Variants in ANAPC1 observed in about 807,000 individuals in gnomAD.
The protein encoded by ANAPC1 is anaphase promoting complex subunit 1.
In ANAPC1, 36 loss-of-function variants were observed where a neutral mutation model predicts 208.0. The ratio of observed to expected loss-of-function variants is 0.17; its 90% CI spans 0.13 to 0.23. ANAPC1 has a LOEUF of 0.23. ANAPC1 is among the 10% of genes least tolerant of loss of function. ANAPC1 has a pLI of 1.00. For synonymous variants in ANAPC1, 378 were observed against 695.2 expected (o/e 0.54, Z 7.18); for missense variants, 942 against 2,011.6 (o/e 0.47, Z 10.17).
intron 3 of ANAPC1, among the ~76,000 whole-genome samples, chr2:111,877,841 GCTAT>G (rs1325988144): frequency 4.6e-5 from 7 of 151,988 alleles, no homozygotes; most frequent in Non-Finnish European, 1.0e-4. Flanking sequence ...GCCATTCCTA[GCTAT>G]CTATTTCCTT....
intron 37 of ANAPC1, among the ~76,000 whole-genome samples, 183 bp from the exon 38 acceptor site, chr2:111,792,738 G>A (rs1677946206): frequency 6.6e-6 from 1 of 151,914 alleles, no homozygotes. Context: ...GGATCACGAG[G>A]TCAGGAGATC....
chr2:111,850,657 T>A lies in ANAPC1; in HGVS notation c.1650+119A>T. ...GTATGTTAACTGAATCACTTCTGTT[T>A]GAAAACATTTATTCTGCAAGTAGAA... On this transcript the variant is annotated intron_variant, in intron 14 of 47. Transcript: ENST00000341068. The A allele has an allele frequency of 6.1e-6, 8 of 1,317,172 alleles. No individual in the cohort carries two copies. The South Asian group carries it at 1.1e-4, about 19-fold the overall frequency. 81.6% of individuals were successfully genotyped at this position (1,317,172 alleles called of 1,614,324 possible).
At chr2:111,856,338 T>A (rs1412436351) in intron 13 of ANAPC1, 14 of 242,606 alleles carry the variant, frequency 5.8e-5, no homozygotes, top group East Asian at 1.7e-4. Flanking sequence ...ACTTTAACTT[T>A]AAAAAAAAAA....
chr2:111,861,895 A>G (rs1209146082), intron 10 of ANAPC1, among the ~76,000 whole-genome samples: 1 of 122,612 alleles, frequency 8.2e-6, no homozygotes, highest in Non-Finnish European at 1.8e-5. Flanking sequence ...TCAGATGACA[A>G]AATAATATTT....
intron 14 of ANAPC1, among the ~76,000 whole-genome samples, chr2:111,850,464 T>A (rs1222682718): frequency 6.6e-6 from 1 of 152,088 alleles, no homozygotes; most frequent in East Asian, 1.9e-4. Flanking sequence ...ACGATGGTAC[T>A]CTCTTTTCCA....
intron 24 of ANAPC1, among the ~76,000 whole-genome samples, chr2:111,824,012 A>G (rs1679688628): frequency 6.7e-6 from 1 of 149,494 alleles, no homozygotes; most frequent in Non-Finnish European, 1.5e-5. Flanking sequence ...TCCTCAGGTT[A>G]ATTAAATCAT....
At chr2:111,853,758 C>G (rs1681541342) in intron 13 of ANAPC1, among the ~76,000 whole-genome samples, 1 of 152,028 alleles carries the variant, frequency 6.6e-6, no homozygotes, top group Admixed American at 6.6e-5. Flanking sequence ...CCTCTGTCGC[C>G]CAGGCTGGAG....
At chr2:111,868,213 CA>C (rs941223102) in intron 6 of ANAPC1, 117 bp from the exon 7 acceptor site, 3 of 555,424 alleles carry the variant, frequency 5.4e-6, no homozygotes, top group African/African-American at 3.9e-5. Flanking sequence ...CCTACTATCT[CA>C]AAATGCAATC....
intron 10 of ANAPC1, among the ~76,000 whole-genome samples, chr2:111,862,176 T>A (rs1188565391): frequency 6.6e-6 from 1 of 151,992 alleles, no homozygotes; most frequent in East Asian, 1.9e-4. Flanking sequence ...AGTGCTGGGA[T>A]TACAGGCATG....
At chr2:111,838,938 T>C (rs1016604114) in intron 17 of ANAPC1, among the ~76,000 whole-genome samples, 1 of 152,308 alleles carries the variant, frequency 6.6e-6, no homozygotes, top group South Asian at 2.1e-4. Context: ...GTAAACTATC[T>C]AACAATTCTA....
chr2:111,864,107 G>T (rs1157292182), intron 8 of ANAPC1, among the ~76,000 whole-genome samples: 1 of 152,056 alleles, frequency 6.6e-6, no homozygotes, highest in Non-Finnish European at 1.5e-5. Context: ...AGAGAGGATA[G>T]CTTGAGCCAA....
At chr2:111,775,983 A>T (rs1676989148) in intron 46 of ANAPC1, among the ~76,000 whole-genome samples, 1 of 152,220 alleles carries the variant, frequency 6.6e-6, no homozygotes, top group African/African-American at 2.4e-5. Context: ...TATATCCCTC[A>T]CAACTTGGTT....
chr2:111,833,191 A>G, intron 20 of ANAPC1, 29 bp downstream of exon 20: 1 of 1,563,976 alleles, frequency 6.4e-7, no homozygotes. Flanking sequence ...TACACTGTTT[A>G]GAAAATATTT....
chr2:111,770,213 A>AT (rs1402532377), intron 47 of ANAPC1, among the ~76,000 whole-genome samples: 2 of 120,794 alleles, frequency 1.7e-5, no homozygotes, highest in Non-Finnish European at 3.3e-5. Context: ...ATATATATAT[A>AT]TATATATATA....
intron 3 of ANAPC1, among the ~76,000 whole-genome samples, chr2:111,874,245 T>A (rs922089860): frequency 1.3e-5 from 2 of 152,206 alleles, no homozygotes; most frequent in African/African-American, 2.4e-5. Flanking sequence ...TGTTTTTTTT[T>A]AAACTGTGGT....
At position 111,831,418 on chromosome 2, in the gene ANAPC1, C is replaced by A; in HGVS notation, c.2493G>T (p.Met831Ile). ...CAGACGTAAAAAATGATGGATGATG[C>A]ATAAATCCTGTTTGACCTTTAAAAT... The part of the protein sequence containing the change: ...CTIDPGQTGF[M>I]HHPSFFTSEP... The change falls in exon 21 of 48, where the codon ATG (methionine) becomes ATT (isoleucine). Residue 831 changes from methionine (M) to isoleucine (I), a missense_variant. Physicochemically the swap from Met to Ile is conservative, Grantham distance 10 (BLOSUM62 1). Coordinates refer to ENST00000341068, the MANE Select transcript of ANAPC1 (RefSeq NM_022662.4). 2 of 1,602,944 alleles carry A rather than the reference C, an allele frequency of 1.2e-6. No homozygotes were observed. Among genetic ancestry groups the A allele is most frequent in the Non-Finnish European group, 1.7e-6 (2 of 1,174,928 alleles).
Position 111,872,662 on chromosome 2 carries a change from A to C in ANAPC1, c.579T>G (p.Ala193=). The part of the protein sequence containing the change: ...TKYGLLFERS[A]SSHEVPPGSP... ...AACCTGGAGGTACTTCATGTGAAGA[A>C]GCGCTTCGTTCAAACAGCAATCCAT... The change falls in exon 6 of 48, where the codon GCT becomes GCG. Residue 193 remains alanine (A), a synonymous_variant. Transcript: ENST00000341068. The C allele has an allele frequency of 2.5e-6, 4 of 1,613,726 alleles. No individual in the cohort carries two copies. The highest frequency in any genetic ancestry group is 1.3e-5 in the African/African-American group (1 of 75,044).
chr2:111,856,872 T>C lies in ANAPC1; in HGVS notation c.1373A>G (p.Gln458Arg). 1 of 1,611,978 alleles carries C rather than the reference T, an allele frequency of 6.2e-7. No homozygotes were observed. The highest frequency in any genetic ancestry group is 8.5e-7 in the Non-Finnish European group (1 of 1,179,778). The change falls in exon 12 of 48, where the codon CAA becomes CGA. Residue 458 changes from glutamine to arginine, a missense_variant. By Grantham distance (43) the Gln-to-Arg change is conservative. Transcript: ENST00000341068. The stretch of plus-strand genomic sequence containing the variant: ...GAGCTGGGTTTTATCATTACTCTCT[T>C]GAAACTTTACACAGCTAAATAATAA... Reference protein sequence around the residue: ...SQLQLRCVKFQESNDKTQLIF... With the variant: ...SQLQLRCVKFRESNDKTQLIF...
intron 6 of ANAPC1, 139 bp from the exon 7 acceptor site, chr2:111,868,235 T>C (rs1158757326): frequency 3.8e-6 from 2 of 529,204 alleles, no homozygotes; most frequent in Non-Finnish European, 6.7e-6. Context: ...TTCTAAACTT[T>C]GTACATACTA....
Sources: gnomAD v4.1 joint callset for allele counts (sites outside exome capture counted in the v4.1 genomes callset) on GRCh38, gnomAD v4.1.1 for gene constraint, MANE v1.5 for transcripts, NCBI Gene and HGNC (gene_info 2026-07-23, HGNC 2026-07-21) for gene names.